ZZZ3: variants seen among roughly 807,000 people sequenced by gnomAD.
ZZZ3 encodes zinc finger ZZ-type containing 3, also known as ZZ-type zinc finger-containing protein 3.
Under a neutral mutation model 95.2 loss-of-function variants are expected in ZZZ3, and 22 were observed. The ratio of observed to expected loss-of-function variants is 0.23; its 90% CI spans 0.17 to 0.33. The LOEUF is 0.33. Ranked by LOEUF, ZZZ3 falls within the 10% of genes least tolerant of loss-of-function variation. The pLI, the probability that ZZZ3 is intolerant of heterozygous loss-of-function variation, is 1.00. For missense variants in ZZZ3, 885 were observed against 1,066.5 expected, an observed-to-expected ratio of 0.83 and a Z score of 2.37; for synonymous variants, 335 against 358.9, an observed-to-expected ratio of 0.93 and a Z score of 0.75.
chr1:77,623,065 A>G (rs1245924406), intron 5 of ZZZ3, among the ~76,000 whole-genome samples: 1 of 152,206 alleles, frequency 6.6e-6, no homozygotes, highest in Non-Finnish European at 1.5e-5. Flanking sequence ...AAAACTGGAG[A>G]AAATATACAA....
intron 5 of ZZZ3, among the ~76,000 whole-genome samples, chr1:77,612,232 A>C (rs1375602176): frequency 6.6e-6 from 1 of 152,038 alleles, no homozygotes; most frequent in African/African-American, 2.4e-5. Flanking sequence ...AATTAAGTCC[A>C]CTATATGATA....
intron 5 of ZZZ3, among the ~76,000 whole-genome samples, chr1:77,621,043 T>C (rs1350427733): frequency 6.6e-6 from 1 of 152,174 alleles, no homozygotes; most frequent in Non-Finnish European, 1.5e-5. Context: ...CGAAAAATAA[T>C]TGGAAGGCAG....
chr1:77,671,375 A>C (rs969169874), intron 1 of ZZZ3, among the ~76,000 whole-genome samples: 1 of 152,214 alleles, frequency 6.6e-6, no homozygotes, highest in African/African-American at 2.4e-5. Context: ...AGAAAATTCA[A>C]ATGTCACTGT....
In ZZZ3 at chr1:77,633,057, C is replaced by T; in HGVS notation, c.298G>A (p.Ala100Thr). 3 of 1,613,914 alleles carry T rather than the reference C, an allele frequency of 1.9e-6. No individual in the cohort carries two copies. Among genetic ancestry groups the T allele is most frequent in the South Asian group, 1.1e-5 (1 of 91,082 alleles). ...TGCCTTCTCTCACAATTTTCTATAG[C>T]CTGCCTTTCTATGTTATCCTTTTCT... is the stretch of plus-strand genomic sequence containing the variant. ...SSEKDNIERQ[A>T]IENCERRQTE... Residue 100 changes from alanine to threonine, a missense_variant, in exon 5 of 15, where the codon GCT (alanine) becomes ACT (threonine). Physicochemically the swap from Ala to Thr is moderately conservative, Grantham distance 58. This residue lies in a region of ZZZ3 where 556 missense variants were observed against 652.9 expected (regional missense o/e 0.85). Coordinates refer to ENST00000370801, the MANE Select transcript of ZZZ3 (RefSeq NM_015534.6).
At position 77,563,313 on chromosome 1, in the gene ZZZ3, A is replaced by G. The variant is rs1443812406; in HGVS notation, c.*2327T>C. On this transcript the variant is annotated 3_prime_UTR_variant, in exon 15 of 15. Transcript: ENST00000370801. ...GTAGGCAGATGGTAGCCTACCGGCA[A>G]ATGACAGCTCTGCCCATTATTCCTG... The G allele has an allele frequency of 6.6e-6, 1 of 152,222 alleles. No homozygotes were observed. Among genetic ancestry groups the G allele is most frequent in the African/African-American group, 2.4e-5 (1 of 41,472 alleles). The allele number at this position is 152,222 out of a possible 1,614,324, so 9.4% of individuals were successfully genotyped here.
At chr1:77,621,855 A>C (rs932508151) in intron 5 of ZZZ3, among the ~76,000 whole-genome samples, 2 of 152,034 alleles carry the variant, frequency 1.3e-5, no homozygotes, top group African/African-American at 4.8e-5. Context: ...AGAAAAAAGA[A>C]TATACTTCCA....
intron 5 of ZZZ3, among the ~76,000 whole-genome samples, chr1:77,605,496 C>T (rs760411861): frequency 1.3e-5 from 2 of 152,168 alleles, no homozygotes; most frequent in Non-Finnish European, 2.9e-5. Flanking sequence ...GGGCATGTGA[C>T]CTACTGAGAC....
intron 1 of ZZZ3, among the ~76,000 whole-genome samples, chr1:77,652,447 G>A (rs2100971821): frequency 6.6e-6 from 1 of 152,278 alleles, no homozygotes; most frequent in South Asian, 2.1e-4. Flanking sequence ...ACAAAAACAT[G>A]TGTTGGCAAA....
chr1:77,642,279 G>A (rs1050602012), intron 1 of ZZZ3, among the ~76,000 whole-genome samples: 2 of 152,082 alleles, frequency 1.3e-5, no homozygotes, highest in African/African-American at 2.4e-5. Context: ...CAAAAGCACC[G>A]TACAGAATTT....
At position 77,600,323 on chromosome 1, in the gene ZZZ3, G is replaced by A. The variant is rs79211994; in HGVS notation, c.1506-15668C>T. Among the ~76,000 whole-genome samples, 74 of 152,228 alleles carry A rather than the reference G, an allele frequency of 4.9e-4. No homozygotes were observed. The East Asian group carries it at 0.012, about 25-fold the overall frequency. On this transcript the variant is annotated intron_variant, in intron 5 of 14. Transcript: ENST00000370801. ...TTCTAAATACCTGAAGAACCAGCAA[G>A]ATTTCACCCATTTATTCATTAATTC...
At chr1:77,682,016 C>G (rs1019383434) in intron 1 of ZZZ3, among the ~76,000 whole-genome samples, 2 of 151,992 alleles carry the variant, frequency 1.3e-5, no homozygotes, top group African/African-American at 4.8e-5. Context: ...TAATTAAAAC[C>G]CTACCGATAA....
At chr1:77,609,412 G>T (rs920400844) in intron 5 of ZZZ3, among the ~76,000 whole-genome samples, 3 of 152,124 alleles carry the variant, frequency 2.0e-5, no homozygotes, top group African/African-American at 7.2e-5. Flanking sequence ...GAGCTAAAGA[G>T]AGAGATAGAC....
intron 5 of ZZZ3, among the ~76,000 whole-genome samples, chr1:77,586,308 C>A (rs1450241337): frequency 6.6e-6 from 1 of 152,154 alleles, no homozygotes; most frequent in Non-Finnish European, 1.5e-5. Context: ...TTGCCTCTAT[C>A]CCTGTTTTAA....
chr1:77,642,758 A>T (rs1668901037), intron 1 of ZZZ3, among the ~76,000 whole-genome samples: 1 of 152,152 alleles, frequency 6.6e-6, no homozygotes, highest in African/African-American at 2.4e-5. Context: ...TCTCAAAAAC[A>T]AAATTTTTTT....
intron 3 of ZZZ3, among the ~76,000 whole-genome samples, chr1:77,640,364 G>A (rs1341097651): frequency 6.6e-6 from 1 of 152,022 alleles, no homozygotes; most frequent in Non-Finnish European, 1.5e-5. Flanking sequence ...ACTTTGGGAG[G>A]CCAAGACAGG....
intron 5 of ZZZ3, among the ~76,000 whole-genome samples, chr1:77,612,493 T>G (rs1434613248): frequency 6.6e-6 from 1 of 152,062 alleles, no homozygotes. Context: ...ACTACCATGT[T>G]CACTGAAGCA....
intron 5 of ZZZ3, among the ~76,000 whole-genome samples, chr1:77,608,059 A>T (rs894997909): frequency 9.2e-5 from 14 of 152,200 alleles, no homozygotes; most frequent in Non-Finnish European, 1.8e-4. Context: ...TTAGCCTTAA[A>T]GAGGAGGCAA....
chr1:77,668,647 CA>C (rs34195679), intron 1 of ZZZ3, among the ~76,000 whole-genome samples: 1,098 of 107,898 alleles, frequency 0.01, 2 homozygotes, highest in Non-Finnish European at 0.011. Flanking sequence ...GACCCTGTCT[CA>C]AAAAAAAAAA....
At chr1:77,670,084 C>A (rs961641369) in intron 1 of ZZZ3, among the ~76,000 whole-genome samples, 19 of 136,720 alleles carry the variant, frequency 1.4e-4, no homozygotes, top group African/African-American at 4.2e-4. Flanking sequence ...CCCCCCCCCC[C>A]ATATTACTCC....
Sources: allele counts gnomAD v4.1 joint callset (sites outside exome capture counted in the v4.1 genomes callset), GRCh38; gene constraint gnomAD v4.1.1; regional missense constraint gnomAD v4.1.1; transcripts MANE v1.5; gene names NCBI Gene and HGNC (gene_info 2026-07-23, HGNC 2026-07-21).